The following ABCA12 variants were observed in gnomAD, a reference collection of about 807,000 sequenced individuals.
The protein encoded by ABCA12 is ATP binding cassette subfamily A member 12.
Under a neutral mutation model 293.5 loss-of-function variants are expected in ABCA12, and 156 were observed. The observed-to-expected ratio is 0.53, with a 90% CI of 0.47 to 0.61. The LOEUF (loss-of-function observed/expected upper bound fraction) is 0.61, where lower values mean the gene tolerates loss of function less well. Ranked by LOEUF, ABCA12 falls within the 20% of genes least tolerant of loss-of-function variation. ABCA12 has a pLI of 0.00. For missense variants in ABCA12, 2,797 were observed against 3,090.2 expected, an observed-to-expected ratio of 0.91 and a Z score of 2.25; for synonymous variants, 1,063 against 1,108.0, an observed-to-expected ratio of 0.96 and a Z score of 0.81.
At chr2:215,056,953 G>T (rs900500852) in intron 3 of ABCA12, among the ~76,000 whole-genome samples, 1 of 151,974 alleles carries the variant, frequency 6.6e-6, no homozygotes, top group Non-Finnish European at 1.5e-5. Context: ...CTTCACACAA[G>T]CACTTAGTGC....
intron 20 of ABCA12, 88 bp downstream of exon 20, chr2:215,004,121 A>C: frequency 1.7e-6 from 2 of 1,166,072 alleles, no homozygotes; most frequent in South Asian, 2.6e-5. Flanking sequence ...GTACAGGAGA[A>C]AAGGGGGGAA....
intron 2 of ABCA12, among the ~76,000 whole-genome samples, chr2:215,105,452 A>C (rs1702444873): frequency 6.6e-6 from 1 of 152,088 alleles, no homozygotes; most frequent in Non-Finnish European, 1.5e-5. Context: ...ACAAAGTTGG[A>C]AGAATCCTGA....
intron 3 of ABCA12, among the ~76,000 whole-genome samples, chr2:215,058,661 A>G (rs1259803999): frequency 6.6e-6 from 1 of 151,990 alleles, no homozygotes; most frequent in Non-Finnish European, 1.5e-5. Flanking sequence ...GGCCCATGGC[A>G]TCAGCTTACT....
At chr2:215,127,612 C>T (rs955137317) in intron 1 of ABCA12, among the ~76,000 whole-genome samples, 1 of 152,122 alleles carries the variant, frequency 6.6e-6, no homozygotes, top group Non-Finnish European at 1.5e-5. Flanking sequence ...AGAATAGGTA[C>T]CGCTGCTTGC....
In ABCA12 at chr2:215,011,937, T is replaced by C. The variant is rs16853129; in HGVS notation, c.2121+34A>G. The stretch of plus-strand genomic sequence containing the variant: ...ACTACTCAATATGACAGAAGGCATT[T>C]TTCAACAAGAACATTACTGGGTGAC... On this transcript the variant is annotated intron_variant, in intron 16 of 52. Coordinates refer to ENST00000272895, the MANE Select transcript of ABCA12 (RefSeq NM_173076.3). 5.4e-3 allele frequency: 8,762 copies of C among 1,611,924 alleles called. 351 individuals are homozygous for C. In the African/African-American group the frequency reaches 0.099, roughly 18 times the overall value.
chr2:215,074,934 T>C (rs1701806442), intron 2 of ABCA12, among the ~76,000 whole-genome samples: 1 of 151,916 alleles, frequency 6.6e-6, no homozygotes, highest in Non-Finnish European at 1.5e-5. Flanking sequence ...AGAGCAAGAC[T>C]CTGTCTCAAA....
rs1700369498 is a variant in ABCA12, at chr2:215,011,430, T to C, written c.2332+9A>G. ...GGCAACTGTCATGCTTATTTTAAAG[T>C]ATACTCACTGGAATTTATGGGAATT... On this transcript the variant is annotated intron_variant, in intron 17 of 52. Coordinates refer to ENST00000272895, the MANE Select transcript of ABCA12 (RefSeq NM_173076.3). 2.5e-6 allele frequency: 4 copies of C among 1,584,070 alleles called. No homozygotes were observed. The East Asian group carries it at 8.9e-5, about 35-fold the overall frequency.
In ABCA12 at chr2:214,951,054, T is replaced by C. The variant is rs780740390; in HGVS notation, c.6677A>G (p.His2226Arg). The change falls in exon 45 of 53, where the codon CAT becomes CGT. Residue 2226 changes from histidine (H) to arginine (R), a missense_variant. His to Arg is a conservative substitution (Grantham distance 29, BLOSUM62 0). Transcript: ENST00000272895. ...ATCCTCATCTATTGTCTCCCTTACA[T>C]GTGAAGAATTAAATTTTCTGAAGAA... is the stretch of plus-strand genomic sequence containing the variant. The part of the protein sequence containing the change: ...RLFFRKFNSS[H>R]VRETIDEDED... 7 of 1,614,094 alleles carry C rather than the reference T, an allele frequency of 4.3e-6. No individual in the cohort carries two copies. Among genetic ancestry groups the C allele is most frequent in the Non-Finnish European group, 5.1e-6 (6 of 1,180,010 alleles).
chr2:214,958,577 G>T lies in ABCA12; in HGVS notation c.5940-123C>A. ...AAGAGTTGGCTGTGACACAAATAAGGCATCCTGCAAGGCAGCCAGATAATA... is the reference window on the plus strand; with the variant it reads ...AAGAGTTGGCTGTGACACAAATAAGTCATCCTGCAAGGCAGCCAGATAATA... On this transcript the variant is annotated intron_variant, in intron 40 of 52. Transcript: ENST00000272895. The T allele has an allele frequency of 5.9e-6, 6 of 1,012,512 alleles. No individual in the cohort carries two copies. The Admixed American group carries it at 1.0e-4, about 17-fold the overall frequency. The allele number at this position is 1,012,512 out of a possible 1,614,324, so 62.7% of individuals were successfully genotyped here.
At chr2:215,117,908 A>C (rs1443768000) in intron 1 of ABCA12, among the ~76,000 whole-genome samples, 1 of 152,230 alleles carries the variant, frequency 6.6e-6, no homozygotes, top group Admixed American at 6.5e-5. Flanking sequence ...TCTTTCACAC[A>C]GTTTTGTTAT....
At chr2:214,998,154 T>G (rs1055867472) in intron 22 of ABCA12, among the ~76,000 whole-genome samples, 2 of 152,200 alleles carry the variant, frequency 1.3e-5, no homozygotes, top group African/African-American at 2.4e-5. Context: ...TAAACTAAAT[T>G]CTTATCTAAA....
Position 215,049,779 on chromosome 2 carries a change from T to C in ABCA12, c.540A>G (p.Ile180Met). The C allele has an allele frequency of 6.2e-7, 1 of 1,613,426 alleles. No individual in the cohort carries two copies. Among genetic ancestry groups the C allele is most frequent in the Non-Finnish European group, 8.5e-7 (1 of 1,179,676 alleles). ...AATAGCTGTCACATAGTTCTCTTCG[T>C]ATATCTTCTGAAGTTGAATTTTGCT... Reference protein sequence around the residue: ...LLKQNSTSEDIRRELCDSYSG... With the variant: ...LLKQNSTSEDMRRELCDSYSG... Residue 180 changes from isoleucine to methionine, a missense_variant, in exon 6 of 53, where the codon ATA becomes ATG. Around this residue, in one of 3 missense-constraint regions of ABCA12, gnomAD observed 656 missense variants for 638.2 expected, o/e 1.03. Coordinates refer to ENST00000272895, the MANE Select transcript of ABCA12 (RefSeq NM_173076.3).
In ABCA12 at chr2:214,950,386, G is replaced by A. The variant is rs750106031; in HGVS notation, c.6852+493C>T. Among the ~76,000 whole-genome samples, 11 of 36,680 alleles carry A rather than the reference G, an allele frequency of 3.0e-4. No individual in the cohort carries two copies. In the South Asian group the frequency reaches 3.6e-3, roughly 12 times the overall value. The allele number at this position is 36,680 out of a possible 152,430, so 24.1% of individuals were successfully genotyped here. A position where few individuals can be genotyped will look rare whatever the true frequency, so the allele number is the denominator to read the frequency against. On this transcript the variant is annotated intron_variant, in intron 45 of 52. Transcript: ENST00000272895. ...TATATGTGTGTGTATATATATATCT[G>A]TGTGTGTGTGTGTGTGTGTGTGTGT... is the stretch of plus-strand genomic sequence containing the variant.
chr2:214,947,674 G>GA, intron 47 of ABCA12, 118 bp from the exon 48 acceptor site: 4 of 1,100,398 alleles, frequency 3.6e-6, no homozygotes, highest in South Asian at 1.5e-5. Context: ...AATATATCTG[G>GA]AAAAAAATGA....
intron 7 of ABCA12, chr2:215,044,651 T>G (rs1701165504): frequency 6.6e-6 from 1 of 152,152 alleles, no homozygotes; most frequent in Admixed American, 6.5e-5. Flanking sequence ...TTCAAATTCT[T>G]TAAGTTTAGG....
chr2:215,124,058 T>C (rs922831594), intron 1 of ABCA12, among the ~76,000 whole-genome samples: 1 of 152,234 alleles, frequency 6.6e-6, no homozygotes, highest in African/African-American at 2.4e-5. Flanking sequence ...CTTAGAATAA[T>C]AGTCTCCAAT....
rs746596192 is a variant in ABCA12, at chr2:215,019,523, A to G, written c.1544+17T>C. ...GAAAGAGATTTCACCAAGGAAGAAG[A>G]CAATGGAAAAACTTACTGATCCATA... is the stretch of plus-strand genomic sequence containing the variant. On this transcript the variant is annotated intron_variant, in intron 12 of 52. Coordinates refer to ENST00000272895, the MANE Select transcript of ABCA12 (RefSeq NM_173076.3). 1 of 1,614,212 alleles carries G rather than the reference A, an allele frequency of 6.2e-7. No individual in the cohort carries two copies. The highest frequency in any genetic ancestry group is 1.1e-5 in the South Asian group (1 of 91,084).
At position 214,968,088 on chromosome 2, in the gene ABCA12, G is replaced by A. The variant is rs143379495; in HGVS notation, c.5778+632C>T. On this transcript the variant is annotated intron_variant, in intron 38 of 52. Transcript: ENST00000272895. ...ATTTTCATTTCTAAATAGTTTTGAC[G>A]TATACACAAGAAAAGTGCAGGTAAT... Among the ~76,000 whole-genome samples the A allele has an allele frequency of 1.1e-3, 164 of 152,086 alleles. 1 individual carries two copies. The highest frequency in any genetic ancestry group is 3.6e-3 in the African/African-American group (148 of 41,500).
chr2:214,991,418 T>G (rs549896081), intron 23 of ABCA12, among the ~76,000 whole-genome samples: 1 of 152,302 alleles, frequency 6.6e-6, no homozygotes, highest in Admixed American at 6.5e-5. Flanking sequence ...CATTTCAAAC[T>G]GGTAAAAAAC....
Sources: allele counts gnomAD v4.1 joint callset (sites outside exome capture counted in the v4.1 genomes callset), GRCh38; gene constraint gnomAD v4.1.1; regional missense constraint gnomAD v4.1.1; transcripts MANE v1.5; gene names NCBI Gene and HGNC (gene_info 2026-07-23, HGNC 2026-07-21).